Variants in AFF2 observed in about 807,000 individuals in gnomAD.
AFF2 encodes the protein ALF transcription elongation factor 2.
AFF2 carries 14 observed loss-of-function variants against 76.9 expected under a neutral mutation model. The observed-to-expected ratio is 0.18, with a 90% CI of 0.12 to 0.28. AFF2 has a LOEUF of 0.28. Among genes scored for constraint, AFF2 ranks in the 10% least tolerant of loss-of-function variants. AFF2 has a pLI of 1.00. For missense variants in AFF2, 868 were observed against 1,001.1 expected (o/e 0.87, Z 1.79); for synonymous variants, 398 against 366.7 (o/e 1.09, Z -0.98).
intron 7 of AFF2, among the ~76,000 whole-genome samples, chrX:148,879,960 A>G (rs1175244254): frequency 8.9e-6 from 1 of 112,009 alleles, no homozygotes; most frequent in Non-Finnish European, 1.9e-5. Context: ...TTGGAAGGCC[A>G]TCAGCTACAG....
intron 1 of AFF2, among the ~76,000 whole-genome samples, chrX:148,524,808 C>T (rs1281401895): frequency 1.8e-5 from 2 of 112,146 alleles, no homozygotes; most frequent in African/African-American, 6.5e-5. Flanking sequence ...GGACACTGAG[C>T]TTGCCTTCCT....
At chrX:148,912,297 C>G (rs1159072824) in intron 9 of AFF2, among the ~76,000 whole-genome samples, 2 of 112,107 alleles carry the variant, frequency 1.8e-5, no homozygotes, top group South Asian at 3.7e-4. Flanking sequence ...CTCCACCCCC[C>G]CATCAGGCCC....
At chrX:148,642,117 C>T (rs1243562243) in intron 1 of AFF2, among the ~76,000 whole-genome samples, 3 of 111,984 alleles carry the variant, frequency 2.7e-5, no homozygotes, top group South Asian at 3.7e-4. Flanking sequence ...AGCAAGCCTA[C>T]GGTCATAACA....
chrX:148,638,603 C>T (rs191361711), intron 1 of AFF2, among the ~76,000 whole-genome samples: 28 of 111,537 alleles, frequency 2.5e-4, no homozygotes, highest in Middle Eastern at 4.6e-3. Context: ...GTTCTGCAGG[C>T]GGTTCACACA....
At chrX:148,810,606 C>T (rs781867487) in intron 4 of AFF2, among the ~76,000 whole-genome samples, 6 of 112,063 alleles carry the variant, frequency 5.4e-5, no homozygotes, top group Non-Finnish European at 7.5e-5. Context: ...CTCCTGAGCT[C>T]CTGTCCTGGC....
intron 1 of AFF2, among the ~76,000 whole-genome samples, chrX:148,541,683 A>G (rs1346543952): frequency 9.0e-6 from 1 of 111,126 alleles, no homozygotes; most frequent in Non-Finnish European, 1.9e-5. Flanking sequence ...AGTGTATCAT[A>G]TTATTAACAT....
At chrX:148,837,527 T>C in intron 4 of AFF2, 120 bp from the exon 5 acceptor site, 1 of 357,745 alleles carries the variant, frequency 2.8e-6, no homozygotes. Context: ...AAATTCACCT[T>C]AAGTATTAGG....
chrX:148,717,483 G>A (rs2055039369), intron 3 of AFF2, among the ~76,000 whole-genome samples: 1 of 111,959 alleles, frequency 8.9e-6, no homozygotes, highest in African/African-American at 3.2e-5. Flanking sequence ...AGACAGTGGT[G>A]ATGTTCACTT....
intron 1 of AFF2, among the ~76,000 whole-genome samples, chrX:148,590,129 A>G (rs782576463): frequency 1.0e-4 from 11 of 106,528 alleles, no homozygotes; most frequent in African/African-American, 2.7e-4. Context: ...TTGGAAAGAC[A>G]TTAAAATATA....
intron 3 of AFF2, among the ~76,000 whole-genome samples, chrX:148,737,736 A>G (rs1557265234): frequency 9.0e-6 from 1 of 111,480 alleles, no homozygotes; most frequent in Non-Finnish European, 1.9e-5. Context: ...CCCATTCAGT[A>G]TTATGTTGGC....
intron 7 of AFF2, among the ~76,000 whole-genome samples, chrX:148,861,698 G>A (rs1462807407): frequency 1.8e-5 from 2 of 111,172 alleles, no homozygotes; most frequent in African/African-American, 6.5e-5. Flanking sequence ...TTTGTGCATA[G>A]GTAGACTCAG....
intron 3 of AFF2, among the ~76,000 whole-genome samples, chrX:148,686,028 A>T (rs1438392106): frequency 9.1e-6 from 1 of 110,221 alleles, no homozygotes; most frequent in Non-Finnish European, 1.9e-5. Context: ...TTCTCAGGAG[A>T]TTTTAAGCAA....
intron 3 of AFF2, among the ~76,000 whole-genome samples, chrX:148,673,106 C>T (rs1004862791): frequency 7.1e-5 from 8 of 111,907 alleles, no homozygotes; most frequent in Non-Finnish European, 1.3e-4. Flanking sequence ...GGGTGAGTGT[C>T]GCTCTACCTC....
At chrX:148,663,973 A>G (rs1339007690) in intron 3 of AFF2, among the ~76,000 whole-genome samples, 1 of 111,474 alleles carries the variant, frequency 9.0e-6, no homozygotes, top group African/African-American at 3.3e-5. Context: ...TGCTTTTTGT[A>G]TCATCATTCA....
rs1193093940 is a variant in AFF2, at chrX:148,661,434, T to G, written c.181-474T>G. 2.7e-4 allele frequency among the ~76,000 whole-genome samples: 30 copies of G among 112,046 alleles called. No homozygotes were observed. The Admixed American group carries it at 2.8e-3, about 11-fold the overall frequency. ...TCATGGTAGCACAATTTAACTGATTTTCTTATCCAATAGCCTAAGCCTTTT... is the reference window on the plus strand; with the variant it reads ...TCATGGTAGCACAATTTAACTGATTGTCTTATCCAATAGCCTAAGCCTTTT... On this transcript the variant is annotated intron_variant, in intron 2 of 20. Transcript: ENST00000370460.
chrX:148,913,304 G>T (rs1190732517), intron 9 of AFF2, among the ~76,000 whole-genome samples: 8 of 111,988 alleles, frequency 7.1e-5, no homozygotes, highest in African/African-American at 2.6e-4. Flanking sequence ...TGTGTTATTG[G>T]TTTTTTCAGT....
intron 12 of AFF2, among the ~76,000 whole-genome samples, chrX:148,960,861 T>G (rs138500350): frequency 0.014 from 1,565 of 111,843 alleles, 20 homozygotes; most frequent in African/African-American, 0.048. Flanking sequence ...TGTTCTACTC[T>G]GGCCTATTGG....
chrX:148,737,529 G>A (rs2055299989), intron 3 of AFF2, among the ~76,000 whole-genome samples: 1 of 111,016 alleles, frequency 9.0e-6, no homozygotes, highest in African/African-American at 3.3e-5. Flanking sequence ...GAGTCCTTAG[G>A]GTTTTCAAAG....
intron 5 of AFF2, among the ~76,000 whole-genome samples, chrX:148,838,732 A>G (rs1348435829): frequency 7.2e-5 from 8 of 111,836 alleles, no homozygotes; most frequent in African/African-American, 2.0e-4. Flanking sequence ...CTGGGCAAAT[A>G]GGTGCATATT....
Sources: allele counts gnomAD v4.1 joint callset (sites outside exome capture counted in the v4.1 genomes callset), GRCh38; gene constraint gnomAD v4.1.1; transcripts MANE v1.5; gene names NCBI Gene and HGNC (gene_info 2026-07-23, HGNC 2026-07-21).